ZFAND3: variants seen among roughly 807,000 people sequenced by gnomAD.
The protein encoded by ZFAND3 is AN1-type zinc finger protein 3.
Under a neutral mutation model 29.6 loss-of-function variants are expected in ZFAND3, and 10 were observed. The ratio of observed to expected loss-of-function variants is 0.34; its 90% CI spans 0.21 to 0.57. The LOEUF is 0.57. Ranked by LOEUF, ZFAND3 falls within the 20% of genes least tolerant of loss-of-function variation. The probability of loss-of-function intolerance (pLI) is 0.86; values close to 1 mark genes in which losing one functional copy is unlikely to be tolerated. For missense variants in ZFAND3, 230 were observed against 304.5 expected (o/e 0.76, Z 1.82); for synonymous variants, 128 against 112.6 (o/e 1.14, Z -0.87).
At chr6:37,859,873 T>C (rs578152161) in intron 1 of ZFAND3, among the ~76,000 whole-genome samples, 33 of 149,698 alleles carry the variant, frequency 2.2e-4, no homozygotes, top group South Asian at 6.3e-4. Flanking sequence ...TTTTTTTTTT[T>C]TTTCTTTCTT....
rs1485097576 is a variant in ZFAND3, at chr6:38,154,274, G to A, written c.*1885G>A. 3.0e-6 allele frequency: 3 copies of A among 984,142 alleles called. No individual in the cohort carries two copies. The highest frequency in any genetic ancestry group is 1.2e-6 in the Non-Finnish European group (1 of 829,734). 61.0% of individuals were successfully genotyped at this position (984,142 alleles called of 1,614,324 possible). On this transcript the variant is annotated 3_prime_UTR_variant, in exon 6 of 6. Transcript: ENST00000287218. ...TTCCCGGCCCTCCCCAGGGCCCCCC[G>A]CCCCCTCCTCTGCCTGCTGCGTGGA...
intron 2 of ZFAND3, among the ~76,000 whole-genome samples, chr6:37,937,532 G>A (rs1393048514): frequency 1.3e-5 from 2 of 151,692 alleles, no homozygotes; most frequent in East Asian, 1.9e-4. Flanking sequence ...GCACATGCCT[G>A]TAATTCCAGC....
At chr6:37,824,624 CAT>C (rs1384328718) in intron 1 of ZFAND3, among the ~76,000 whole-genome samples, 1 of 152,130 alleles carries the variant, frequency 6.6e-6, no homozygotes, top group Non-Finnish European at 1.5e-5. Flanking sequence ...GCGTACTAGA[CAT>C]AAATGTTCAG....
Position 38,103,426 on chromosome 6 carries a change from CAT to C in ZFAND3, c.362-13138_362-13137del, listed in dbSNP as rs55681522. ...ATACACACACACGTATATACACACACATATATATACACGTGTATATATATACA... is the reference window on the plus strand; with the variant it reads ...ATACACACACACGTATATACACACACATATATACACGTGTATATATATACA... On this transcript the variant is annotated intron_variant, in intron 4 of 5. Coordinates refer to ENST00000287218, the MANE Select transcript of ZFAND3 (RefSeq NM_021943.3). 5.4e-4 allele frequency among the ~76,000 whole-genome samples: 72 copies of C among 133,228 alleles called. 1 individual carries two copies. Among genetic ancestry groups the C allele is most frequent in the African/African-American group, 1.7e-3 (51 of 30,568 alleles). The allele number at this position is 133,228 out of a possible 152,430, so 87.4% of individuals were successfully genotyped here.
intron 1 of ZFAND3, among the ~76,000 whole-genome samples, chr6:37,908,722 C>G (rs944831754): frequency 9.7e-6 from 1 of 103,548 alleles, no homozygotes; most frequent in Non-Finnish European, 2.1e-5. Context: ...TTATAATAAA[C>G]AAGTAAACTT....
At chr6:37,875,242 T>C (rs944444803) in intron 1 of ZFAND3, among the ~76,000 whole-genome samples, 1 of 152,180 alleles carries the variant, frequency 6.6e-6, no homozygotes, top group African/African-American at 2.4e-5. Context: ...GAGATATTTT[T>C]GGGAGTGGAT....
At chr6:38,090,990 C>T (rs995586470) in intron 4 of ZFAND3, among the ~76,000 whole-genome samples, 14 of 152,272 alleles carry the variant, frequency 9.2e-5, no homozygotes, top group African/African-American at 3.4e-4. Context: ...AAGTCAAAAA[C>T]TTGTATCCAA....
At chr6:37,971,831 G>GAAAAAAAAA (rs5875604) in intron 2 of ZFAND3, among the ~76,000 whole-genome samples, 3 of 117,888 alleles carry the variant, frequency 2.5e-5, no homozygotes, top group Admixed American at 8.8e-5. Flanking sequence ...TGTACAAAAT[G>GAAAAAAAAA]AAAAAAAAAA....
At position 37,976,317 on chromosome 6, in the gene ZFAND3, C is replaced by T. The variant is rs537105185; in HGVS notation, c.112+46318C>T. On this transcript the variant is annotated intron_variant, in intron 2 of 5. Transcript: ENST00000287218. The stretch of plus-strand genomic sequence containing the variant: ...CTACCAGAGGCCAGGCGTGGTGGCT[C>T]ATGCCTGTATTCCCAGCACTTTGGG... 2.6e-5 allele frequency among the ~76,000 whole-genome samples: 4 copies of T among 152,236 alleles called. No individual in the cohort carries two copies. The East Asian group carries it at 5.8e-4, about 22-fold the overall frequency.
intron 5 of ZFAND3, among the ~76,000 whole-genome samples, chr6:38,130,468 T>C (rs1562010651): frequency 6.6e-6 from 1 of 152,246 alleles, no homozygotes; most frequent in Non-Finnish European, 1.5e-5. Flanking sequence ...TGGCTTTTAT[T>C]ATATTGAGGT....
At chr6:37,950,616 T>C (rs1761982115) in intron 2 of ZFAND3, among the ~76,000 whole-genome samples, 1 of 152,086 alleles carries the variant, frequency 6.6e-6, no homozygotes, top group African/African-American at 2.4e-5. Context: ...TGACCTCAGG[T>C]GATCCACCCA....
rs557552695 is a variant in ZFAND3, at chr6:37,855,722, T to C, written c.71+35706T>C. On this transcript the variant is annotated intron_variant, in intron 1 of 5. Coordinates refer to ENST00000287218, the MANE Select transcript of ZFAND3 (RefSeq NM_021943.3). ...CTGCATTGATTTAACCATTGTGAAA[T>C]CTAGGTTCCATTTTGAAAAAGAAGA... Among the ~76,000 whole-genome samples the C allele has an allele frequency of 5.3e-5, 8 of 152,270 alleles. No individual in the cohort carries two copies. In the South Asian group the frequency reaches 8.3e-4, roughly 16 times the overall value.
intron 1 of ZFAND3, among the ~76,000 whole-genome samples, chr6:37,912,272 CAG>C (rs1046979190): frequency 5.3e-5 from 8 of 152,004 alleles, no homozygotes; most frequent in African/African-American, 1.7e-4. Context: ...ATACTTCCGC[CAG>C]AGTCTTAGAT....
intron 4 of ZFAND3, among the ~76,000 whole-genome samples, chr6:38,102,130 TCTC>T (rs773732503): frequency 1.3e-5 from 2 of 152,104 alleles, no homozygotes; most frequent in Admixed American, 1.3e-4. Context: ...TTCTTCTCTT[TCTC>T]CTCCTCCTCC....
chr6:37,913,980 C>T (rs1022077331), intron 1 of ZFAND3, among the ~76,000 whole-genome samples: 1 of 152,076 alleles, frequency 6.6e-6, no homozygotes, highest in African/African-American at 2.4e-5. Context: ...TCACCTCAGC[C>T]TCCCGAAGTG....
chr6:38,029,148 A>G (rs1228735373), intron 2 of ZFAND3, among the ~76,000 whole-genome samples: 1 of 152,230 alleles, frequency 6.6e-6, no homozygotes, highest in Non-Finnish European at 1.5e-5. Context: ...TAGAAAAGCC[A>G]TTTAAAAGTC....
intron 2 of ZFAND3, among the ~76,000 whole-genome samples, chr6:38,016,795 G>A (rs1477647798): frequency 6.6e-6 from 1 of 152,108 alleles, no homozygotes; most frequent in African/African-American, 2.4e-5. Context: ...TTGATTTTCA[G>A]TGCAGAATTA....
At chr6:38,063,815 T>G (rs1433952382) in intron 3 of ZFAND3, among the ~76,000 whole-genome samples, 1 of 152,186 alleles carries the variant, frequency 6.6e-6, no homozygotes, top group Non-Finnish European at 1.5e-5. Flanking sequence ...GGTGATATTA[T>G]TACAGTTCTT....
intron 2 of ZFAND3, among the ~76,000 whole-genome samples, chr6:37,996,141 A>G (rs1762845627): frequency 6.6e-6 from 1 of 152,082 alleles, no homozygotes; most frequent in Non-Finnish European, 1.5e-5. Context: ...AAAAAAAAAA[A>G]AGAGACTCTT....
Sources: gnomAD v4.1 joint callset for allele counts (sites outside exome capture counted in the v4.1 genomes callset) on GRCh38, gnomAD v4.1.1 for gene constraint, MANE v1.5 for transcripts, NCBI Gene and HGNC (gene_info 2026-07-23, HGNC 2026-07-21) for gene names.